TEX36: variants seen among roughly 807,000 people sequenced by gnomAD.
TEX36 encodes testis-expressed protein 36.
In TEX36, 12 loss-of-function variants were observed where a neutral mutation model predicts 13.6. That is an observed-to-expected ratio of 0.88 (90% CI 0.56 to 1.43). The LOEUF (loss-of-function observed/expected upper bound fraction) is 1.43, where lower values mean the gene tolerates loss of function less well. TEX36 is among the 40% of genes most tolerant of loss of function. The pLI is 0.00. For synonymous variants in TEX36, 93 were observed against 83.0 expected, an observed-to-expected ratio of 1.12 and a Z score of -0.65; for missense variants, 224 against 228.3, an observed-to-expected ratio of 0.98 and a Z score of 0.12.
chr10:125,631,964 G>A (rs930840142), intron 3 of TEX36, among the ~76,000 whole-genome samples: 6 of 152,116 alleles, frequency 3.9e-5, no homozygotes, highest in Admixed American at 1.3e-4. Flanking sequence ...GAAGCCCTCC[G>A]TGTGGTGGCG....
chr10:125,639,970 A>G (rs1295849654), intron 3 of TEX36, among the ~76,000 whole-genome samples: 1 of 152,268 alleles, frequency 6.6e-6, no homozygotes, highest in Non-Finnish European at 1.5e-5. Flanking sequence ...AAGAATGTTT[A>G]AAATGGCTTC....
intron 3 of TEX36, among the ~76,000 whole-genome samples, chr10:125,658,594 A>C (rs1846983408): frequency 6.6e-6 from 1 of 152,152 alleles, no homozygotes; most frequent in Admixed American, 6.5e-5. Flanking sequence ...CAGCCACGAC[A>C]CACTTGTTAA....
intron 3 of TEX36, among the ~76,000 whole-genome samples, chr10:125,602,783 A>T (rs1846165500): frequency 6.6e-6 from 1 of 152,222 alleles, no homozygotes. Context: ...ATGTGTTTAT[A>T]TTTCTATGCC....
chr10:125,634,790 C>T (rs1398466577), intron 3 of TEX36, among the ~76,000 whole-genome samples: 1 of 152,124 alleles, frequency 6.6e-6, no homozygotes, highest in African/African-American at 2.4e-5. Flanking sequence ...TTCATTAATG[C>T]AATACGTCAT....
intron 3 of TEX36, among the ~76,000 whole-genome samples, chr10:125,646,987 A>T (rs1846779637): frequency 1.3e-5 from 2 of 152,236 alleles, no homozygotes; most frequent in South Asian, 4.1e-4. Flanking sequence ...ATAATTGCAG[A>T]AGTTTAAAAA....
chr10:125,607,632 C>T (rs966678139), intron 3 of TEX36, among the ~76,000 whole-genome samples: 2 of 152,070 alleles, frequency 1.3e-5, no homozygotes, highest in Non-Finnish European at 2.9e-5. Flanking sequence ...TCTCAGAACA[C>T]ATGTGTGCTC....
At chr10:125,616,932 A>C (rs1846367259), downstream of TEX36, among the ~76,000 whole-genome samples, 5 of 152,038 alleles carry the variant, frequency 3.3e-5, no homozygotes. Flanking sequence ...GTCTCTTTGT[A>C]GGTCTCTAAG....
chr10:125,645,176 T>G (rs546682906), intron 3 of TEX36, among the ~76,000 whole-genome samples: 1 of 152,308 alleles, frequency 6.6e-6, no homozygotes, highest in African/African-American at 2.4e-5. Flanking sequence ...TTAAATGGTG[T>G]TGTTATAAGC....
intron 3 of TEX36, among the ~76,000 whole-genome samples, chr10:125,584,102 G>A (rs1845915994): frequency 6.6e-6 from 1 of 152,186 alleles, no homozygotes; most frequent in Non-Finnish European, 1.5e-5. Flanking sequence ...TGGCACTGTG[G>A]ACATGAAAGA....
intron 3 of TEX36, among the ~76,000 whole-genome samples, chr10:125,656,418 G>C (rs1401171092): frequency 6.6e-6 from 1 of 151,688 alleles, no homozygotes; most frequent in Non-Finnish European, 1.5e-5. Flanking sequence ...CACCACGCCT[G>C]GCTAAGTTTT....
In TEX36 at chr10:125,630,589, T is replaced by C. The variant is rs547747717; in HGVS notation, c.265-8944A>G. Among the ~76,000 whole-genome samples the C allele has an allele frequency of 4.4e-4, 67 of 152,310 alleles. 1 individual carries two copies. The highest frequency in any genetic ancestry group is 1.5e-3 in the African/African-American group (61 of 41,566). On this transcript the variant is annotated intron_variant, in intron 3 of 3. Coordinates refer to the TEX36 transcript ENST00000526819. ...TCTACTGGACACAAAGGGCCAGTTC[T>C]TATTTAGTATGGGAGGGGACTGCCT...
intron 3 of TEX36, among the ~76,000 whole-genome samples, chr10:125,647,564 C>T (rs1846789072): frequency 6.6e-6 from 1 of 152,112 alleles, no homozygotes; most frequent in African/African-American, 2.4e-5. Context: ...CCAAGATGGC[C>T]GAATAGGAAC....
chr10:125,662,753 G>C (rs1384048225), intron 1 of TEX36, among the ~76,000 whole-genome samples: 2 of 152,174 alleles, frequency 1.3e-5, no homozygotes, highest in Non-Finnish European at 2.9e-5. Flanking sequence ...GCTACCCCCA[G>C]AAGAAGGCGT....
intron 1 of TEX36, among the ~76,000 whole-genome samples, chr10:125,669,806 T>G (rs953448949): frequency 1.3e-5 from 2 of 152,202 alleles, no homozygotes; most frequent in African/African-American, 4.8e-5. Flanking sequence ...TGTCCATGTG[T>G]TCTCATTGTT....
At chr10:125,604,822 TAGAG>T (rs917148086) in intron 3 of TEX36, among the ~76,000 whole-genome samples, 2 of 150,410 alleles carry the variant, frequency 1.3e-5, no homozygotes, top group Non-Finnish European at 3.0e-5. Flanking sequence ...AAAAAAGAAA[TAGAG>T]AGAGAATCTA....
chr10:125,631,246 A>C (rs970785564), intron 3 of TEX36, among the ~76,000 whole-genome samples: 1 of 152,230 alleles, frequency 6.6e-6, no homozygotes, highest in Non-Finnish European at 1.5e-5. Flanking sequence ...TTATCTGAGT[A>C]CATCTCAAGT....
chr10:125,626,352 G>A (rs1405799799), intron 3 of TEX36, among the ~76,000 whole-genome samples: 1 of 152,092 alleles, frequency 6.6e-6, no homozygotes, highest in African/African-American at 2.4e-5. Flanking sequence ...CTATATCCTG[G>A]GCCTGGCATC....
chr10:125,615,731 G>C (rs1417377274), intron 3 of TEX36, among the ~76,000 whole-genome samples: 1 of 151,658 alleles, frequency 6.6e-6, no homozygotes, highest in African/African-American at 2.4e-5. Context: ...CAAGGATATT[G>C]GTCTAAAATT....
At chr10:125,634,843 T>C (rs1326125703) in intron 3 of TEX36, among the ~76,000 whole-genome samples, 4 of 152,000 alleles carry the variant, frequency 2.6e-5, no homozygotes, top group African/African-American at 9.7e-5. Context: ...TAGCTAAAGG[T>C]GAAACGATGG....
Sources: allele counts gnomAD v4.1 joint callset (sites outside exome capture counted in the v4.1 genomes callset), GRCh38; gene constraint gnomAD v4.1.1; transcripts MANE v1.5; gene names NCBI Gene and HGNC (gene_info 2026-07-23, HGNC 2026-07-21).